SH3PXD2B: variants seen among roughly 807,000 people sequenced by gnomAD.
SH3PXD2B encodes SH3 and PX domains 2B.
A neutral mutation model predicts 73.1 loss-of-function variants in SH3PXD2B; 37 were observed. That is an observed-to-expected ratio of 0.51 (90% CI 0.39 to 0.67). SH3PXD2B has a LOEUF of 0.67. SH3PXD2B is among the 30% of genes least tolerant of loss of function. The pLI is 0.00. For synonymous variants in SH3PXD2B, 457 were observed against 480.5 expected (o/e 0.95, Z 0.64); for missense variants, 1,053 against 1,197.8 (o/e 0.88, Z 1.78).
chr5:172,352,970 G>A (rs908823508), intron 9 of SH3PXD2B, among the ~76,000 whole-genome samples: 1 of 152,046 alleles, frequency 6.6e-6, no homozygotes, highest in African/African-American at 2.4e-5. Flanking sequence ...CCAGGCTGAG[G>A]AGCCCCTCTT....
intron 4 of SH3PXD2B, among the ~76,000 whole-genome samples, chr5:172,386,793 A>G (rs920123237): frequency 2.0e-5 from 3 of 151,900 alleles, no homozygotes; most frequent in African/African-American, 7.3e-5. Context: ...ACGCCTGGCT[A>G]ATTTTTGTCT....
chr5:172,437,565 G>A (rs1759423947), intron 1 of SH3PXD2B, among the ~76,000 whole-genome samples: 1 of 152,158 alleles, frequency 6.6e-6, no homozygotes, highest in Non-Finnish European at 1.5e-5. Flanking sequence ...CAAGGCCTTG[G>A]GTCTCCTGGC....
At chr5:172,443,786 G>C (rs1190291963) in intron 1 of SH3PXD2B, among the ~76,000 whole-genome samples, 1 of 152,348 alleles carries the variant, frequency 6.6e-6, no homozygotes, top group Middle Eastern at 3.4e-3. Flanking sequence ...GCGGGCGGGG[G>C]GCCATGCAAT....
At chr5:172,372,995 A>G (rs1173554319) in intron 6 of SH3PXD2B, among the ~76,000 whole-genome samples, 1 of 152,236 alleles carries the variant, frequency 6.6e-6, no homozygotes, top group Non-Finnish European at 1.5e-5. Context: ...GGAGAGCTCA[A>G]TTATTCCTCT....
Position 172,358,843 on chromosome 5 carries a change from G to A in SH3PXD2B, c.597C>T (p.Gly199=). 6.2e-7 allele frequency: 1 copy of A among 1,614,062 alleles called. No homozygotes were observed. Among genetic ancestry groups the A allele is most frequent in the Non-Finnish European group, 8.5e-7 (1 of 1,179,988 alleles). The change falls in exon 8 of 13, where the codon GGC becomes GGT. Residue 199 remains glycine, a synonymous_variant. Transcript: ENST00000311601. The part of the protein sequence containing the change: ...WWFVSTAEEQ[G]WVPATCLEGQ... ...CTTCGAGGCACGTTGCAGGGACCCA[G>A]CCTTGCTCCTCGGCAGTGCTGACGA...
intron 1 of SH3PXD2B, among the ~76,000 whole-genome samples, chr5:172,451,905 A>G (rs1759804832): frequency 6.6e-6 from 1 of 152,216 alleles, no homozygotes; most frequent in African/African-American, 2.4e-5. Context: ...AGTTCAGCCC[A>G]TTGCCCCTCC....
chr5:172,340,237 G>A (rs984289223), intron 12 of SH3PXD2B, among the ~76,000 whole-genome samples: 1 of 152,210 alleles, frequency 6.6e-6, no homozygotes, highest in African/African-American at 2.4e-5. Context: ...GAAAGGGAGA[G>A]GCCAATTATG....
chr5:172,400,384 C>T (rs1758398392), intron 3 of SH3PXD2B, among the ~76,000 whole-genome samples: 1 of 152,176 alleles, frequency 6.6e-6, no homozygotes. Flanking sequence ...TGCCTGGAGG[C>T]TACTTATTTT....
intron 7 of SH3PXD2B, among the ~76,000 whole-genome samples, chr5:172,359,380 C>G (rs1757349699): frequency 1.6e-5 from 1 of 64,444 alleles, no homozygotes; most frequent in Non-Finnish European, 3.0e-5. Context: ...GAGTGAGACC[C>G]CCATCTCAAA....
At chr5:172,437,269 C>G (rs1410724523) in intron 1 of SH3PXD2B, among the ~76,000 whole-genome samples, 1 of 152,150 alleles carries the variant, frequency 6.6e-6, no homozygotes, top group Non-Finnish European at 1.5e-5. Flanking sequence ...ACCCTGGGTT[C>G]CCTTTGGTTC....
chr5:172,446,394 G>T (rs1265992115), intron 1 of SH3PXD2B, among the ~76,000 whole-genome samples: 3 of 152,112 alleles, frequency 2.0e-5, no homozygotes, highest in African/African-American at 7.2e-5. Flanking sequence ...CAGGCTGCTC[G>T]GGGGGCAGTG....
At chr5:172,348,009 T>C (rs1757033669) in intron 10 of SH3PXD2B, among the ~76,000 whole-genome samples, 1 of 152,112 alleles carries the variant, frequency 6.6e-6, no homozygotes, top group Non-Finnish European at 1.5e-5. Context: ...AAAGGCAGAA[T>C]GTTGGCCAGG....
chr5:172,376,310 T>C (rs1757820077), intron 5 of SH3PXD2B, among the ~76,000 whole-genome samples: 2 of 152,192 alleles, frequency 1.3e-5, no homozygotes, highest in South Asian at 4.1e-4. Flanking sequence ...ATTACACGTA[T>C]GAGCCACCAT....
Position 172,445,812 on chromosome 5 carries a change from A to C in SH3PXD2B, c.75+8466T>G, listed in dbSNP as rs868109479. Among the ~76,000 whole-genome samples the C allele has an allele frequency of 2.0e-5, 3 of 152,328 alleles. No individual in the cohort carries two copies. In the South Asian group the frequency reaches 6.2e-4, roughly 32 times the overall value. ...CCCTCCTCCCTTTACCACCTGAAGAAGACCCTGGGCTGAGAGTCATGCCCG... is the reference window on the plus strand; with the variant it reads ...CCCTCCTCCCTTTACCACCTGAAGACGACCCTGGGCTGAGAGTCATGCCCG... On this transcript the variant is annotated intron_variant, in intron 1 of 12. Coordinates refer to ENST00000311601, the MANE Select transcript of SH3PXD2B (RefSeq NM_001017995.3). This position sits in a 1 kb window ranked among gnomAD's most constrained non-coding sequence, Gnocchi z 5.2.
intron 3 of SH3PXD2B, among the ~76,000 whole-genome samples, chr5:172,399,455 G>A (rs925938475): frequency 2.0e-5 from 3 of 152,068 alleles, no homozygotes; most frequent in Non-Finnish European, 4.4e-5. Context: ...TGGGAAAGAG[G>A]ATATGCTTGT....
chr5:172,378,832 A>G (rs1757877325), intron 5 of SH3PXD2B, among the ~76,000 whole-genome samples: 2 of 152,148 alleles, frequency 1.3e-5, no homozygotes, highest in East Asian at 3.9e-4. Flanking sequence ...GCACTTTGGG[A>G]GGCCAAGACA....
intron 3 of SH3PXD2B, among the ~76,000 whole-genome samples, chr5:172,397,367 G>A (rs1010707862): frequency 1.3e-4 from 20 of 152,020 alleles, no homozygotes; most frequent in African/African-American, 2.7e-4. Flanking sequence ...ATTTTGCCCC[G>A]GTCCTGTGAT....
At chr5:172,354,440 G>C (rs1235680277) in intron 8 of SH3PXD2B, among the ~76,000 whole-genome samples, 4 of 152,224 alleles carry the variant, frequency 2.6e-5, no homozygotes, top group Non-Finnish European at 5.9e-5. Context: ...TGAGCTCCAG[G>C]AAGGCAGTTC....
At position 172,376,377 on chromosome 5, in the gene SH3PXD2B, A is replaced by C. The variant is rs369114390; in HGVS notation, c.402-2562T>G. ...ATTCTAGTGGGTGTGAATTGGATCT[A>C]ATGATATTTCACTGTAGCTTGGATT... On this transcript the variant is annotated intron_variant, in intron 5 of 12. Transcript: ENST00000311601. 1.9e-4 allele frequency among the ~76,000 whole-genome samples: 29 copies of C among 152,234 alleles called. No individual in the cohort carries two copies. In the East Asian group the frequency reaches 5.6e-3, roughly 29 times the overall value.
Sources: allele counts gnomAD v4.1 joint callset (sites outside exome capture counted in the v4.1 genomes callset), GRCh38; gene constraint gnomAD v4.1.1; non-coding constraint Gnocchi (gnomAD v3.1); transcripts MANE v1.5; gene names NCBI Gene and HGNC (gene_info 2026-07-23, HGNC 2026-07-21).